ARSG: variants seen among roughly 807,000 people sequenced by gnomAD.
ARSG encodes arylsulfatase G.
In ARSG, 37 loss-of-function variants were observed where a neutral mutation model predicts 50.5. That is an observed-to-expected ratio of 0.73 (90% CI 0.56 to 0.96). The LOEUF (loss-of-function observed/expected upper bound fraction) is 0.96, where lower values mean the gene tolerates loss of function less well. ARSG is among the 50% of genes least tolerant of loss of function. The pLI, the probability that ARSG is intolerant of heterozygous loss-of-function variation, is 0.00. For missense variants in ARSG, 629 were observed against 675.3 expected (o/e 0.93, Z 0.76); for synonymous variants, 225 against 254.6 (o/e 0.88, Z 1.11).
At chr17:68,301,877 C>T (rs886358230) in intron 1 of ARSG, among the ~76,000 whole-genome samples, 8 of 152,040 alleles carry the variant, frequency 5.3e-5, no homozygotes, top group African/African-American at 1.9e-4. Context: ...TGACCTCACA[C>T]AGATCCTTAT....
intron 7 of ARSG, 81 bp downstream of exon 7, chr17:68,368,825 C>G (rs778814092): frequency 1.0e-5 from 15 of 1,454,522 alleles, no homozygotes; most frequent in Non-Finnish European, 1.4e-5. Flanking sequence ...AGAGTCTGGC[C>G]CCGTGATCCC....
At chr17:68,361,651 C>T (rs906650580) in intron 6 of ARSG, among the ~76,000 whole-genome samples, 4 of 151,834 alleles carry the variant, frequency 2.6e-5, no homozygotes, top group Admixed American at 6.6e-5. Flanking sequence ...CGGTGGCTCA[C>T]GCCTGTAATC....
intron 2 of ARSG, among the ~76,000 whole-genome samples, chr17:68,331,701 C>T (rs1440461932): frequency 3.3e-5 from 5 of 152,118 alleles, no homozygotes; most frequent in East Asian, 1.9e-4. Flanking sequence ...ATTTCACGTG[C>T]GTCCTTTTCT....
At chr17:68,355,644 T>C (rs1265002333) in intron 5 of ARSG, among the ~76,000 whole-genome samples, 1 of 152,148 alleles carries the variant, frequency 6.6e-6, no homozygotes, top group Non-Finnish European at 1.5e-5. Context: ...CATGAGCCAC[T>C]GTGCCTGGCC....
rs761305485 is a variant in ARSG, at chr17:68,401,465, A to G, written c.1303+15A>G. The G allele has an allele frequency of 6.2e-6, 10 of 1,611,816 alleles. No homozygotes were observed. The highest frequency in any genetic ancestry group is 8.5e-6 in the Non-Finnish European group (10 of 1,178,152). ...CTACATTACCGGTGAGTGAGGGGCC[A>G]CTTAGCCCTGCCTCCCACAGTCACA... is the stretch of plus-strand genomic sequence containing the variant. On this transcript the variant is annotated intron_variant, in intron 11 of 11. Transcript: ENST00000621439.
rs1015183698 is a variant in ARSG at position 68,381,042 on chromosome 17, C to G, written c.983-4022C>G. Among the ~76,000 whole-genome samples, 1 of 152,130 alleles carries G rather than the reference C, an allele frequency of 6.6e-6. No homozygotes were observed. The highest frequency in any genetic ancestry group is 1.5e-5 in the Non-Finnish European group (1 of 68,020). On this transcript the variant is annotated intron_variant, in intron 8 of 11. Transcript: ENST00000621439. The surrounding 1 kb of genome is among the most constrained non-coding windows in gnomAD (Gnocchi z 4.1). ...AAATTAGAATTCCTGGGAATAGGACCCAGAAATCCATGTCTTAGATGAGAT... is the reference window on the plus strand; with the variant it reads ...AAATTAGAATTCCTGGGAATAGGACGCAGAAATCCATGTCTTAGATGAGAT...
chr17:68,425,498 G>A (rs2083109282), downstream of ARSG, among the ~76,000 whole-genome samples: 1 of 151,534 alleles, frequency 6.6e-6, no homozygotes, highest in Middle Eastern at 3.2e-3. Context: ...TGGGATTACA[G>A]GTGTGAGCCA....
chr17:68,386,903 G>A (rs2080753881), intron 9 of ARSG, among the ~76,000 whole-genome samples: 1 of 152,072 alleles, frequency 6.6e-6, no homozygotes, highest in South Asian at 2.1e-4. Context: ...ATGGTTTGGT[G>A]ACCCAAGGCA....
the ARSG span, among the ~76,000 whole-genome samples, chr17:68,437,991 C>T: frequency 1.5e-5 from 2 of 129,280 alleles, no homozygotes; most frequent in Non-Finnish European, 3.2e-5. Context: ...GCGTCTATTA[C>T]AAGTTAGTAT....
At chr17:68,303,243 G>A (rs1257203263) in intron 1 of ARSG, among the ~76,000 whole-genome samples, 1 of 152,088 alleles carries the variant, frequency 6.6e-6, no homozygotes, top group Non-Finnish European at 1.5e-5. Flanking sequence ...TTCCACCTCA[G>A]TTTCCCAAGT....
chr17:68,308,804 A>T (rs995912143), intron 2 of ARSG, among the ~76,000 whole-genome samples: 2 of 152,210 alleles, frequency 1.3e-5, no homozygotes, highest in Non-Finnish European at 2.9e-5. Flanking sequence ...GCTAGACATA[A>T]AGGTTCTCCA....
chr17:68,304,761 C>T (rs542869913), intron 1 of ARSG, among the ~76,000 whole-genome samples: 2 of 152,324 alleles, frequency 1.3e-5, no homozygotes, highest in South Asian at 4.1e-4. Flanking sequence ...AACCGCTAGC[C>T]TCAAGTAATC....
At chr17:68,325,775 T>A (rs2077480875) in intron 2 of ARSG, among the ~76,000 whole-genome samples, 1 of 152,204 alleles carries the variant, frequency 6.6e-6, no homozygotes, top group Non-Finnish European at 1.5e-5. Flanking sequence ...GTTGCCTGCT[T>A]ATAGCTTGAT....
At chr17:68,444,492 C>T in the ARSG span, 12 of 1,612,508 alleles carry the variant, frequency 7.4e-6, no homozygotes, top group Non-Finnish European at 1.0e-5. Context: ...TTGGAGCTCA[C>T]CTGTTGGGTT....
intron 6 of ARSG, among the ~76,000 whole-genome samples, chr17:68,357,267 A>T (rs1313514405): frequency 1.3e-5 from 2 of 152,232 alleles, no homozygotes; most frequent in Non-Finnish European, 2.9e-5. Context: ...TGGAGGCCAG[A>T]TGTCTGAAAT....
At chr17:68,372,187 TACAC>T (rs1305961782) in intron 8 of ARSG, among the ~76,000 whole-genome samples, 4 of 152,316 alleles carry the variant, frequency 2.6e-5, no homozygotes, top group South Asian at 2.1e-4. Context: ...CACAGACTAA[TACAC>T]ACAATCGCAC....
At chr17:68,423,431 G>C (rs1338891590), downstream of ARSG, among the ~76,000 whole-genome samples, 1 of 152,314 alleles carries the variant, frequency 6.6e-6, no homozygotes, top group East Asian at 1.9e-4. This position sits in a 1 kb window ranked among gnomAD's most constrained non-coding sequence, Gnocchi z 4.4. Context: ...CTACCTGCAG[G>C]CTGGAGGGCA....
At chr17:68,261,821 T>C (rs1315189519) in intron 1 of ARSG, among the ~76,000 whole-genome samples, 1 of 152,102 alleles carries the variant, frequency 6.6e-6, no homozygotes, top group African/African-American at 2.4e-5. Flanking sequence ...CCACAAATGC[T>C]AAGGCCTGAA....
At chr17:68,409,686 G>A (rs1459153099) in intron 11 of ARSG, among the ~76,000 whole-genome samples, 3 of 148,562 alleles carry the variant, frequency 2.0e-5, no homozygotes, top group East Asian at 2.0e-4. Context: ...GATGGGGATG[G>A]CATTGAATCT....
Sources: gnomAD v4.1 joint callset for allele counts (sites outside exome capture counted in the v4.1 genomes callset) on GRCh38, gnomAD v4.1.1 for gene constraint, Gnocchi (gnomAD v3.1) non-coding constraint, MANE v1.5 for transcripts, NCBI Gene and HGNC (gene_info 2026-07-23, HGNC 2026-07-21) for gene names.